Variants in PARD3 observed in about 807,000 individuals in gnomAD.
PARD3 encodes par-3 family cell polarity regulator.
In PARD3, 75 loss-of-function variants were observed where a neutral mutation model predicts 155.4. The ratio of observed to expected loss-of-function variants is 0.48; its 90% CI spans 0.40 to 0.58. The LOEUF (loss-of-function observed/expected upper bound fraction) is 0.58. Among genes scored for constraint, PARD3 ranks in the 20% least tolerant of loss-of-function variants. PARD3 has a pLI of 0.00. For missense variants in PARD3, 1,642 were observed against 1,721.7 expected, an observed-to-expected ratio of 0.95 and a Z score of 0.82; for synonymous variants, 576 against 610.5, an observed-to-expected ratio of 0.94 and a Z score of 0.83.
intron 2 of PARD3, among the ~76,000 whole-genome samples, chr10:34,640,007 C>T (rs2092619295): frequency 6.6e-6 from 1 of 152,158 alleles, no homozygotes; most frequent in Non-Finnish European, 1.5e-5. Flanking sequence ...GACAGACATG[C>T]CCTTAATTTC....
chr10:34,699,537 G>A lies in PARD3; in HGVS notation c.121-3118C>T, dbSNP rs149030424. The stretch of plus-strand genomic sequence containing the variant: ...GCTTTATTTTCAAGGGAAGAGTCCA[G>A]TATCCAGTGAGAAAAAGTTAGCGCA... On this transcript the variant is annotated intron_variant, in intron 1 of 24. Coordinates refer to ENST00000374788, the MANE Select transcript of PARD3 (RefSeq NM_001184785.2). Among the ~76,000 whole-genome samples the A allele has an allele frequency of 3.3e-5, 5 of 152,264 alleles. No individual in the cohort carries two copies. The East Asian group carries it at 9.7e-4, about 29-fold the overall frequency.
At chr10:34,253,664 T>C (rs998020500) in intron 22 of PARD3, among the ~76,000 whole-genome samples, 10 of 152,118 alleles carry the variant, frequency 6.6e-5, no homozygotes, top group Admixed American at 4.6e-4. Flanking sequence ...TGCTGAAATA[T>C]CATAGAAAGT....
chr10:34,467,075 C>A (rs1365393881), intron 4 of PARD3, among the ~76,000 whole-genome samples: 1 of 151,804 alleles, frequency 6.6e-6, no homozygotes, highest in Non-Finnish European at 1.5e-5. Context: ...AAAAAGATTG[C>A]TGAATATTTA....
At chr10:34,601,030 C>T (rs1361813569) in intron 2 of PARD3, among the ~76,000 whole-genome samples, 2 of 121,672 alleles carry the variant, frequency 1.6e-5, no homozygotes, top group Admixed American at 1.1e-4. Flanking sequence ...AGGCTAGTCT[C>T]AAACTCCTGA....
Position 34,646,729 on chromosome 10 carries a change from A to C in PARD3, c.222+49589T>G, listed in dbSNP as rs186134310. Among the ~76,000 whole-genome samples the C allele has an allele frequency of 9.8e-5, 15 of 152,342 alleles. 1 individual carries two copies. In the East Asian group the frequency reaches 2.9e-3, roughly 29 times the overall value. On this transcript the variant is annotated intron_variant, in intron 2 of 24. Transcript: ENST00000374788. ...CGCCCAGGCTGGAGTGCAATAGCAC[A>C]ATCATAGCTCACTGCAGCCACCACT... is the stretch of plus-strand genomic sequence containing the variant.
At chr10:34,264,713 A>G (rs1955208271) in intron 22 of PARD3, among the ~76,000 whole-genome samples, 1 of 151,212 alleles carries the variant, frequency 6.6e-6, no homozygotes, top group Admixed American at 6.6e-5. Flanking sequence ...GGAAACTTTT[A>G]GCTAGGCACT....
At chr10:34,119,491 C>T (rs1946863497) in intron 24 of PARD3, 122 bp downstream of exon 24, 2 of 990,810 alleles carry the variant, frequency 2.0e-6, no homozygotes, top group East Asian at 2.7e-5. Flanking sequence ...TTATTGGTTC[C>T]TCTGTTGCTA....
chr10:34,398,819 C>G (rs962771071), intron 7 of PARD3, among the ~76,000 whole-genome samples: 2 of 152,140 alleles, frequency 1.3e-5, no homozygotes, highest in African/African-American at 4.8e-5. Flanking sequence ...GATTTTTAGA[C>G]TCAAGGTTCA....
intron 2 of PARD3, among the ~76,000 whole-genome samples, chr10:34,674,049 A>C (rs1210326137): frequency 1.3e-5 from 2 of 151,868 alleles, no homozygotes; most frequent in Admixed American, 1.3e-4. Context: ...TATTCTTAGC[A>C]AGTAGTTTTC....
chr10:34,367,258 A>G (rs1234643449), intron 12 of PARD3, among the ~76,000 whole-genome samples: 1 of 152,224 alleles, frequency 6.6e-6, no homozygotes, highest in African/African-American at 2.4e-5. Flanking sequence ...ACTGCCATAC[A>G]TGATCCTGAA....
At chr10:34,198,453 G>GGTGTGTGTGTGTGT (rs59976562) in intron 22 of PARD3, among the ~76,000 whole-genome samples, 1 of 146,926 alleles carries the variant, frequency 6.8e-6, no homozygotes. Flanking sequence ...ATCACTAATT[G>GGTGTGTGTGTGTGT]GTGTGTGTGT....
At chr10:34,476,729 A>C (rs577671140) in intron 3 of PARD3, among the ~76,000 whole-genome samples, 8 of 151,572 alleles carry the variant, frequency 5.3e-5, no homozygotes, top group African/African-American at 7.3e-5. Context: ...TTTATGAAAA[A>C]TGTACTAGAA....
chr10:34,420,909 C>G (rs76190805), intron 5 of PARD3, among the ~76,000 whole-genome samples: 1 of 152,184 alleles, frequency 6.6e-6, no homozygotes, highest in Non-Finnish European at 1.5e-5. Context: ...GGAGTAGTGA[C>G]TCATGTCTGT....
intron 22 of PARD3, among the ~76,000 whole-genome samples, chr10:34,145,286 CCTTTTTG>C (rs1429143939): frequency 2.4e-4 from 31 of 131,908 alleles, no homozygotes; most frequent in Non-Finnish European, 4.2e-4. Flanking sequence ...ACAATGCTGT[CCTTTTTG>C]AAAAATTGAT....
chr10:34,119,789 G>T (rs1233414486), intron 23 of PARD3, 49 bp from the exon 24 acceptor site: 5 of 1,506,586 alleles, frequency 3.3e-6, no homozygotes, highest in South Asian at 2.6e-5. Context: ...GTTCTGTACA[G>T]ATCACACAAC....
In PARD3 at chr10:34,763,704, G is replaced by C. The variant is rs1311856741; in HGVS notation, c.120+51172C>G. 2.6e-5 allele frequency among the ~76,000 whole-genome samples: 4 copies of C among 152,022 alleles called. 1 individual carries two copies. The highest frequency in any genetic ancestry group is 5.9e-5 in the Non-Finnish European group (4 of 68,010). The stretch of plus-strand genomic sequence containing the variant: ...AACTAGACACCTGCAGCTGTGTCTA[G>C]CCCACGGCCACCTGGGTACTCAGGA... On this transcript the variant is annotated intron_variant, in intron 1 of 24. Coordinates refer to ENST00000374788, the MANE Select transcript of PARD3 (RefSeq NM_001184785.2).
intron 2 of PARD3, among the ~76,000 whole-genome samples, chr10:34,517,947 C>T (rs1477677293): frequency 1.3e-5 from 2 of 152,158 alleles, no homozygotes; most frequent in African/African-American, 4.8e-5. Context: ...GGCACGATTT[C>T]GGCTCACTGC....
chr10:34,121,944 T>C (rs10159701), intron 23 of PARD3, among the ~76,000 whole-genome samples: 4,900 of 152,312 alleles, frequency 0.032, 247 homozygotes, highest in African/African-American at 0.11. Context: ...CAAACAATTG[T>C]TCATCAACTG....
intron 2 of PARD3, among the ~76,000 whole-genome samples, chr10:34,665,856 A>AG (rs2093446755): frequency 7.5e-6 from 1 of 133,330 alleles, no homozygotes; most frequent in Non-Finnish European, 1.6e-5. Flanking sequence ...AGAACAGAAC[A>AG]GAACAGAACA....
Sources: allele counts gnomAD v4.1 joint callset (sites outside exome capture counted in the v4.1 genomes callset), GRCh38; gene constraint gnomAD v4.1.1; transcripts MANE v1.5; gene names NCBI Gene and HGNC (gene_info 2026-07-23, HGNC 2026-07-21).